DZIP1L: variants seen among roughly 807,000 people sequenced by gnomAD.
The protein encoded by DZIP1L is DAZ interacting zinc finger protein 1 like.
Under a neutral mutation model 88.7 loss-of-function variants are expected in DZIP1L, and 90 were observed. The observed-to-expected ratio is 1.02, with a 90% CI of 0.86 to 1.21. DZIP1L has a LOEUF of 1.21. Among genes scored for constraint, DZIP1L ranks in the 50% most tolerant of loss-of-function variants. The pLI, the probability that DZIP1L is intolerant of heterozygous loss-of-function variation, is 0.00. For synonymous variants in DZIP1L, 363 were observed against 372.1 expected, an observed-to-expected ratio of 0.98 and a Z score of 0.28; for missense variants, 932 against 955.8, an observed-to-expected ratio of 0.98 and a Z score of 0.33.
intron 4 of DZIP1L, 39 bp from the exon 5 acceptor site, chr3:138,092,583 A>G (rs1398294267): frequency 9.8e-6 from 15 of 1,523,652 alleles, no homozygotes; most frequent in Non-Finnish European, 1.3e-5. Context: ...GATTAATTCC[A>G]CATTACAGCA....
chr3:138,073,061 C>T (rs979286734), intron 11 of DZIP1L, among the ~76,000 whole-genome samples: 5 of 152,120 alleles, frequency 3.3e-5, no homozygotes, highest in African/African-American at 1.2e-4. Flanking sequence ...TCCCTGGCCC[C>T]ACCTGGTGGT....
rs781686459 is a variant in DZIP1L at position 138,071,700 on chromosome 3, C to T, written c.1558G>A (p.Ala520Thr). The change falls in exon 12 of 16, where the codon GCG (alanine) becomes ACG (threonine). Residue 520 changes from alanine to threonine, a missense_variant. Coordinates refer to ENST00000327532, the MANE Select transcript of DZIP1L (RefSeq NM_173543.3). The part of the protein sequence containing the change: ...GKLVKEVTSR[A>T]KERQENGAVV... The stretch of plus-strand genomic sequence containing the variant: ...GCGCCATTCTCCTGTCTCTCCTTCG[C>T]TCTGCTGGTGACTTCCTTGACAAGC... 2.7e-5 allele frequency: 43 copies of T among 1,614,118 alleles called. No individual in the cohort carries two copies. The highest frequency in any genetic ancestry group is 6.7e-5 in the Admixed American group (4 of 60,010).
intron 10 of DZIP1L, among the ~76,000 whole-genome samples, chr3:138,078,790 C>T (rs1421275417): frequency 3.3e-5 from 5 of 152,324 alleles, no homozygotes; most frequent in African/African-American, 7.2e-5. Context: ...CTTGTCTGCA[C>T]ATTGGAATCA....
At chr3:138,077,150 G>A (rs1024582240) in intron 11 of DZIP1L, among the ~76,000 whole-genome samples, 3 of 152,142 alleles carry the variant, frequency 2.0e-5, no homozygotes, top group Non-Finnish European at 2.9e-5. Context: ...TTACCCAAGG[G>A]GGGACCTATC....
intron 1 of DZIP1L, among the ~76,000 whole-genome samples, chr3:138,106,127 C>A (rs1237206751): frequency 7.7e-5 from 5 of 64,530 alleles, no homozygotes; most frequent in African/African-American, 1.2e-4. Context: ...AGTCTTCTTT[C>A]TTTTTTTTTT....
intron 10 of DZIP1L, among the ~76,000 whole-genome samples, chr3:138,078,060 A>C (rs1943493491): frequency 6.6e-6 from 1 of 152,232 alleles, no homozygotes; most frequent in African/African-American, 2.4e-5. Context: ...GTCTGATTCC[A>C]TAAGTCTGGG....
chr3:138,067,991 A>C (rs558752372), intron 13 of DZIP1L, among the ~76,000 whole-genome samples, 160 bp downstream of exon 13: 1 of 152,270 alleles, frequency 6.6e-6, no homozygotes, highest in Non-Finnish European at 1.5e-5. Context: ...ACAGGTTCTC[A>C]AGTCCAGAGC....
In DZIP1L at chr3:138,063,026, G is replaced by A. The variant is rs150421412; in HGVS notation, c.2143-49C>T. The A allele has an allele frequency of 4.7e-4, 750 of 1,599,910 alleles. 5 individuals are homozygous for A. In the African/African-American group the frequency reaches 7.8e-3, roughly 17 times the overall value. ...AAAATGCATTTTGATAAGGGAGGAG[G>A]GTGGCTGAGAGCTAAGCACATTGCA... is the stretch of plus-strand genomic sequence containing the variant. On this transcript the variant is annotated intron_variant, in intron 15 of 15. Coordinates refer to ENST00000327532, the MANE Select transcript of DZIP1L (RefSeq NM_173543.3). The surrounding 1 kb of genome is among the most constrained non-coding windows in gnomAD (Gnocchi z 4.1).
chr3:138,077,614 TC>T lies in DZIP1L; in HGVS notation c.1306del (p.Asp436MetfsTer10), dbSNP rs1943471767. 1 of 1,614,030 alleles carries T rather than the reference TC, an allele frequency of 6.2e-7. No individual in the cohort carries two copies. Among genetic ancestry groups the T allele is most frequent in the Non-Finnish European group, 8.5e-7 (1 of 1,180,032 alleles). On this transcript the variant is annotated frameshift_variant, in exon 11 of 16. Coordinates refer to ENST00000327532, the MANE Select transcript of DZIP1L (RefSeq NM_173543.3). LOFTEE classifies it high-confidence loss of function. The stretch of plus-strand genomic sequence containing the variant: ...AGCTGCCAGCACCTTGTGCTGTTCA[TC>T]CTGGGAGTCCTCCATCTCTGTAGCA... ...SPEEEMEDSQDEQHKVLAALR... is the reference protein window; with the variant it reads ...SPEEEMEDSQXEQHKVLAALR...
Position 138,103,732 on chromosome 3 carries a change from G to T in DZIP1L, c.240C>A (p.Asp80Glu), listed in dbSNP as rs1367790486. The T allele has an allele frequency of 6.2e-7, 1 of 1,613,782 alleles. No individual in the cohort carries two copies. Among genetic ancestry groups the T allele is most frequent in the Non-Finnish European group, 8.5e-7 (1 of 1,180,040 alleles). Residue 80 changes from aspartate (D) to glutamate (E), a missense_variant, in exon 2 of 16, where the codon GAC becomes GAA. Coordinates refer to ENST00000327532, the MANE Select transcript of DZIP1L (RefSeq NM_173543.3). ...EVCSRCGQPV[D>E]PALLKVLRLA... ...GGCGCAGCACCTTGAGCAGTGCCGG[G>T]TCCACAGGCTGCCCACAGCGGCTGC...
chr3:138,084,108 C>T lies in DZIP1L; in HGVS notation c.1203+5G>A. ...AGGCCTGGCTGAAAGGAAGGGCAGA[C>T]CTACCATCTCCTCCTGGGAGGCAAT... On this transcript the variant is annotated splice_donor_5th_base_variant and intron_variant, in intron 8 of 15. Coordinates refer to ENST00000327532, the MANE Select transcript of DZIP1L (RefSeq NM_173543.3). The T allele has an allele frequency of 6.2e-7, 1 of 1,613,250 alleles. No individual in the cohort carries two copies. Among genetic ancestry groups the T allele is most frequent in the Non-Finnish European group, 8.5e-7 (1 of 1,179,568 alleles).
At chr3:138,100,851 C>A (rs371180770) in intron 2 of DZIP1L, among the ~76,000 whole-genome samples, 1 of 152,164 alleles carries the variant, frequency 6.6e-6, no homozygotes, top group Non-Finnish European at 1.5e-5. Context: ...GGCAAATGTC[C>A]CTAATCCATA....
At chr3:138,084,033 C>T in intron 8 of DZIP1L, 80 bp downstream of exon 8, 1 of 1,560,438 alleles carries the variant, frequency 6.4e-7, no homozygotes, top group Non-Finnish European at 8.7e-7. Flanking sequence ...CACTGATGAG[C>T]CCAAAAGAAT....
At chr3:138,069,787 C>G (rs555652917) in intron 12 of DZIP1L, among the ~76,000 whole-genome samples, 1 of 152,276 alleles carries the variant, frequency 6.6e-6, no homozygotes, top group Admixed American at 6.5e-5. Flanking sequence ...CAGCCTTGCC[C>G]AGGCCACAGA....
intron 10 of DZIP1L, among the ~76,000 whole-genome samples, chr3:138,079,414 A>G (rs979915968): frequency 7.9e-5 from 12 of 152,256 alleles, no homozygotes; most frequent in Non-Finnish European, 1.5e-4. Context: ...TAGTTCATCC[A>G]TCTAAGGGAA....
chr3:138,084,689 A>T (rs1576463516), intron 7 of DZIP1L, among the ~76,000 whole-genome samples: 1 of 152,248 alleles, frequency 6.6e-6, no homozygotes, highest in East Asian at 1.9e-4. Context: ...TCACCTGAGC[A>T]GTAGGTGTTG....
At chr3:138,095,746 C>T (rs1228452573) in intron 3 of DZIP1L, among the ~76,000 whole-genome samples, 1 of 152,036 alleles carries the variant, frequency 6.6e-6, no homozygotes, top group Non-Finnish European at 1.5e-5. Context: ...CGCACGACTG[C>T]ACTCCAGCCT....
At chr3:138,103,321 T>G (rs1282549948) in intron 2 of DZIP1L, 150 bp downstream of exon 2, 1 of 836,458 alleles carries the variant, frequency 1.2e-6, no homozygotes, top group Non-Finnish European at 1.8e-6. Flanking sequence ...TCTCTGGCCA[T>G]GAGCAGCATC....
Position 138,062,771 on chromosome 3 carries a change from G to A in DZIP1L, c.*45C>T, listed in dbSNP as rs763264845. 5 of 1,607,962 alleles carry A rather than the reference G, an allele frequency of 3.1e-6. No homozygotes were observed. The highest frequency in any genetic ancestry group is 1.3e-5 in the African/African-American group (1 of 74,782). Reference sequence around the variant, plus strand: ...CTTCTGTTGAAGTGGACCTGAGCTGGCCCCAGCCAGGCTAACCCTCTAGCC... The same window carrying A: ...CTTCTGTTGAAGTGGACCTGAGCTGACCCCAGCCAGGCTAACCCTCTAGCC... On this transcript the variant is annotated 3_prime_UTR_variant, in exon 16 of 16. Transcript: ENST00000327532.
Sources: allele counts gnomAD v4.1 joint callset (sites outside exome capture counted in the v4.1 genomes callset), GRCh38; gene constraint gnomAD v4.1.1; non-coding constraint Gnocchi (gnomAD v3.1); transcripts MANE v1.5; gene names NCBI Gene and HGNC (gene_info 2026-07-23, HGNC 2026-07-21).